RFTN1: variants seen among roughly 807,000 people sequenced by gnomAD.
RFTN1 encodes raftlin.
A neutral mutation model predicts 46.5 loss-of-function variants in RFTN1; 26 were observed. That is an observed-to-expected ratio of 0.56 (90% CI 0.41 to 0.78). The LOEUF (loss-of-function observed/expected upper bound fraction) is 0.78. RFTN1 is among the 30% of genes least tolerant of loss of function. The pLI is 0.00. For synonymous variants in RFTN1, 261 were observed against 284.2 expected (o/e 0.92, Z 0.82); for missense variants, 693 against 718.7 (o/e 0.96, Z 0.41).
At position 16,498,501 on chromosome 3, in the gene RFTN1, T is replaced by C. The variant is rs149409731; in HGVS notation, c.-8-4624A>G. Reference sequence around the variant, plus strand: ...ATTTAATTTGTATCAAGTTTTTCTTTTAATAAATACCAGCCAGCAGCAAAA... The same window carrying C: ...ATTTAATTTGTATCAAGTTTTTCTTCTAATAAATACCAGCCAGCAGCAAAA... On this transcript the variant is annotated intron_variant, in intron 1 of 9. Coordinates refer to ENST00000334133, the MANE Select transcript of RFTN1 (RefSeq NM_015150.2). This position sits in a 1 kb window ranked among gnomAD's most constrained non-coding sequence, Gnocchi z 5.2. Among the ~76,000 whole-genome samples the C allele has an allele frequency of 5.9e-5, 9 of 152,358 alleles. No homozygotes were observed. The highest frequency in any genetic ancestry group is 1.3e-4 in the Non-Finnish European group (9 of 68,030).
intron 7 of RFTN1, among the ~76,000 whole-genome samples, chr3:16,347,366 T>G: frequency 6.6e-6 from 1 of 152,370 alleles, no homozygotes; most frequent in East Asian, 1.9e-4. Context: ...CTCACAGTTC[T>G]GGAAGCCAGA....
At chr3:16,362,981 C>G (rs141297145) in intron 6 of RFTN1, among the ~76,000 whole-genome samples, 229 of 152,268 alleles carry the variant, frequency 1.5e-3, no homozygotes, top group Non-Finnish European at 2.8e-3. Flanking sequence ...GAAGGAGGAA[C>G]ACACCCAGAT....
In RFTN1 at chr3:16,449,178, C is replaced by A. The variant is rs886261204; in HGVS notation, c.146-15141G>T. Among the ~76,000 whole-genome samples the A allele has an allele frequency of 6.6e-6, 1 of 152,172 alleles. No individual in the cohort carries two copies. Among genetic ancestry groups the A allele is most frequent in the South Asian group, 2.1e-4 (1 of 4,836 alleles). On this transcript the variant is annotated intron_variant, in intron 2 of 9. Transcript: ENST00000334133. This position sits in a 1 kb window ranked among gnomAD's most constrained non-coding sequence, Gnocchi z 5.1. Reference sequence around the variant, plus strand: ...GAGTAGGATTATTACTTTGTTTTAACCAGAGTGCATTTTATCTTAGTTCTA... The same window carrying A: ...GAGTAGGATTATTACTTTGTTTTAAACAGAGTGCATTTTATCTTAGTTCTA...
intron 1 of RFTN1, among the ~76,000 whole-genome samples, chr3:16,508,623 G>T (rs1164752408): frequency 6.6e-6 from 1 of 152,052 alleles, no homozygotes; most frequent in Non-Finnish European, 1.5e-5. Flanking sequence ...AGCCCCTTTG[G>T]GGCCCAGGAG....
rs892959822 is a variant in RFTN1, at chr3:16,425,113, C to A, written c.332+8738G>T. 1.3e-5 allele frequency among the ~76,000 whole-genome samples: 2 copies of A among 152,148 alleles called. No homozygotes were observed. Among genetic ancestry groups the A allele is most frequent in the Non-Finnish European group, 2.9e-5 (2 of 68,032 alleles). ...CAGACATATAAATAGAAAACTCCAA[C>A]GCTTTAGTAAAATTATTTGCAACTA... On this transcript the variant is annotated intron_variant, in intron 3 of 9. Transcript: ENST00000334133. The surrounding 1 kb of genome is among the most constrained non-coding windows in gnomAD (Gnocchi z 4.3).
rs1467022251 is a variant in RFTN1 at position 16,370,315 on chromosome 3, G to T, written c.827-36C>A. 1 of 1,591,392 alleles carries T rather than the reference G, an allele frequency of 6.3e-7. No homozygotes were observed. The highest frequency in any genetic ancestry group is 1.3e-5 in the African/African-American group (1 of 74,530). On this transcript the variant is annotated intron_variant, in intron 5 of 9. Transcript: ENST00000334133. The surrounding 1 kb of genome is among the most constrained non-coding windows in gnomAD (Gnocchi z 5.5). Reference sequence around the variant, plus strand: ...TTGTAAAGGGAGTGGAGAGAGAAGAGGTCAACTGATGATAAAAATCTGTTT... The same window carrying T: ...TTGTAAAGGGAGTGGAGAGAGAAGATGTCAACTGATGATAAAAATCTGTTT...
Position 16,344,847 on chromosome 3 carries a change from G to A in RFTN1, c.1146+13085C>T, listed in dbSNP as rs690023. On this transcript the variant is annotated intron_variant, in intron 7 of 9. Transcript: ENST00000334133. This position sits in a 1 kb window ranked among gnomAD's most constrained non-coding sequence, Gnocchi z 4.4. The stretch of plus-strand genomic sequence containing the variant: ...AAAGAACATATTTCAAGGAGTGGTA[G>A]TGAGTGAACACATAACTACAAGAAC... 0.4 allele frequency among the ~76,000 whole-genome samples: 61,142 copies of A among 152,080 alleles called. 12,745 individuals carry two copies. Among genetic ancestry groups the A allele is most frequent in the East Asian group, 0.51 (2,616 of 5,166 alleles).
At chr3:16,401,326 A>ATC (rs1389038751) in intron 4 of RFTN1, among the ~76,000 whole-genome samples, 57 of 139,884 alleles carry the variant, frequency 4.1e-4, no homozygotes, top group East Asian at 5.8e-4. Context: ...CGTGTTAAAA[A>ATC]AAAAAAAAAA....
Position 16,321,111 on chromosome 3 carries a change from T to A in RFTN1, c.1332+2265A>T, listed in dbSNP as rs1400969294. 6.6e-6 allele frequency among the ~76,000 whole-genome samples: 1 copy of A among 151,986 alleles called. No individual in the cohort carries two copies. The highest frequency in any genetic ancestry group is 1.5e-5 in the Non-Finnish European group (1 of 67,990). ...GGGGAGGGTCAGCAGGGATAGCCCC[T>A]AAGGTGCAATGCCATTCCTCTAGAT... On this transcript the variant is annotated intron_variant, in intron 9 of 9. Coordinates refer to ENST00000334133, the MANE Select transcript of RFTN1 (RefSeq NM_015150.2). The surrounding 1 kb of genome is among the most constrained non-coding windows in gnomAD (Gnocchi z 4.8).
intron 2 of RFTN1, among the ~76,000 whole-genome samples, chr3:16,467,208 C>T (rs1448828055): frequency 6.6e-6 from 1 of 152,058 alleles, no homozygotes; most frequent in Non-Finnish European, 1.5e-5. Context: ...TAGAGAGATG[C>T]TGGAAAGAAT....
intron 5 of RFTN1, among the ~76,000 whole-genome samples, chr3:16,377,103 G>A (rs918607877): frequency 2.0e-5 from 3 of 152,024 alleles, no homozygotes; most frequent in Admixed American, 6.6e-5. Context: ...AGAAAGTAGA[G>A]AAAAAGGAAA....
At chr3:16,488,009 C>T (rs1267371073) in intron 2 of RFTN1, among the ~76,000 whole-genome samples, 1 of 152,160 alleles carries the variant, frequency 6.6e-6, no homozygotes, top group African/African-American at 2.4e-5. Flanking sequence ...TCTGCCAGCC[C>T]CACAAGTGAG....
In RFTN1 at chr3:16,427,724, G is replaced by A. The variant is rs2125482637; in HGVS notation, c.332+6127C>T. Among the ~76,000 whole-genome samples the A allele has an allele frequency of 6.6e-6, 1 of 152,312 alleles. No individual in the cohort carries two copies. The highest frequency in any genetic ancestry group is 1.9e-4 in the East Asian group (1 of 5,180). Reference sequence around the variant, plus strand: ...TGGCTAAGTCAGCAGCTAGAGAAGTGGGCCCTGGCCTGAGGGGCTCATTAC... The same window carrying A: ...TGGCTAAGTCAGCAGCTAGAGAAGTAGGCCCTGGCCTGAGGGGCTCATTAC... On this transcript the variant is annotated intron_variant, in intron 3 of 9. Coordinates refer to ENST00000334133, the MANE Select transcript of RFTN1 (RefSeq NM_015150.2). The surrounding 1 kb of genome is among the most constrained non-coding windows in gnomAD (Gnocchi z 5.4).
At chr3:16,405,284 C>T (rs928527981) in intron 4 of RFTN1, among the ~76,000 whole-genome samples, 4 of 152,184 alleles carry the variant, frequency 2.6e-5, no homozygotes, top group Non-Finnish European at 5.9e-5. Flanking sequence ...AATTTTTCAT[C>T]CCTCGAGCAT....
chr3:16,432,325 C>G (rs1056440323), intron 3 of RFTN1, among the ~76,000 whole-genome samples: 1 of 152,092 alleles, frequency 6.6e-6, no homozygotes, highest in African/African-American at 2.4e-5. Context: ...CCAGACCAGT[C>G]TAGGCAACAT....
chr3:16,432,686 G>A (rs2075414123), intron 3 of RFTN1, among the ~76,000 whole-genome samples: 1 of 150,042 alleles, frequency 6.7e-6, no homozygotes, highest in Non-Finnish European at 1.5e-5. Context: ...AAAAAAAAAA[G>A]AGAGAGAGAG....
intron 9 of RFTN1, among the ~76,000 whole-genome samples, chr3:16,319,125 G>C (rs115824456): frequency 0.02 from 3,029 of 152,288 alleles, 55 homozygotes; most frequent in Middle Eastern, 0.048. Context: ...CCAAATGTAA[G>C]AGTCTCTCCT....
intron 8 of RFTN1, among the ~76,000 whole-genome samples, chr3:16,324,613 A>ACCG (rs1553718055): frequency 1.1e-5 from 1 of 90,800 alleles, no homozygotes; most frequent in Admixed American, 1.2e-4. Flanking sequence ...AATGTCCCTG[A>ACCG]CCCCCCCCCT....
intron 2 of RFTN1, among the ~76,000 whole-genome samples, chr3:16,491,761 CAAACAAACA>C (rs1425524525): frequency 5.4e-5 from 8 of 149,516 alleles, no homozygotes; most frequent in African/African-American, 1.9e-4. Context: ...AACAAACAAA[CAAACAAACA>C]AAACAAACAA....
Sources: allele counts gnomAD v4.1 joint callset (sites outside exome capture counted in the v4.1 genomes callset), GRCh38; gene constraint gnomAD v4.1.1; non-coding constraint Gnocchi (gnomAD v3.1); transcripts MANE v1.5; gene names NCBI Gene and HGNC (gene_info 2026-07-23, HGNC 2026-07-21).